The following CADM2 variants were observed in gnomAD, a reference collection of about 807,000 sequenced individuals.
CADM2 encodes immunoglobulin superfamily member 4D.
In CADM2, 12 loss-of-function variants were observed where a neutral mutation model predicts 49.8. The ratio of observed to expected loss-of-function variants is 0.24; its 90% CI spans 0.15 to 0.39. The LOEUF is 0.39. CADM2 is among the 10% of genes least tolerant of loss of function. CADM2 has a pLI of 1.00. For synonymous variants in CADM2, 214 were observed against 175.4 expected (o/e 1.22, Z -1.74); for missense variants, 378 against 492.3 (o/e 0.77, Z 2.20).
intron 1 of CADM2, among the ~76,000 whole-genome samples, chr3:85,490,510 T>A (rs929877377): frequency 6.6e-6 from 1 of 152,064 alleles, no homozygotes; most frequent in Non-Finnish European, 1.5e-5. Flanking sequence ...CTTAAGTCCA[T>A]GAGCTTGAGG....
chr3:85,723,403 C>T lies in CADM2; in HGVS notation c.62-3119C>T, dbSNP rs145666501. ...TGTGCAATGTGCACTTTACAATTGA[C>T]TTCTAATTGGACTATGCTGACAATG... On this transcript the variant is annotated intron_variant, in intron 1 of 9. Coordinates refer to ENST00000383699, the MANE Select transcript of CADM2 (RefSeq NM_001167675.2). Among the ~76,000 whole-genome samples the T allele has an allele frequency of 5.4e-3, 823 of 152,196 alleles. 4 individuals are homozygous for T. Among genetic ancestry groups the T allele is most frequent in the Middle Eastern group, 0.01 (3 of 294 alleles).
chr3:85,130,626 GA>G (rs1192416095), intron 1 of CADM2, among the ~76,000 whole-genome samples: 1 of 152,156 alleles, frequency 6.6e-6, no homozygotes, highest in East Asian at 1.9e-4. Flanking sequence ...TGGTCATAGG[GA>G]GTAGGTGAAT....
intron 1 of CADM2, among the ~76,000 whole-genome samples, chr3:85,532,208 T>C (rs2061330597): frequency 6.6e-6 from 1 of 150,830 alleles, no homozygotes; most frequent in Non-Finnish European, 1.5e-5. Flanking sequence ...AAAATAAAAA[T>C]AGTGTTGCAG....
intron 8 of CADM2, among the ~76,000 whole-genome samples, chr3:86,017,358 A>C (rs1242462675): frequency 6.6e-6 from 1 of 152,026 alleles, no homozygotes; most frequent in Non-Finnish European, 1.5e-5. Flanking sequence ...CAAGAGCTCA[A>C]AATTATTTGA....
intron 1 of CADM2, among the ~76,000 whole-genome samples, chr3:85,461,426 TTTTA>T (rs1489830849): frequency 1.3e-5 from 2 of 152,216 alleles, no homozygotes; most frequent in East Asian, 3.9e-4. Flanking sequence ...TAACATACGC[TTTTA>T]TTGATACTTT....
At chr3:85,765,487 A>G (rs1039089137) in intron 2 of CADM2, among the ~76,000 whole-genome samples, 5 of 151,954 alleles carry the variant, frequency 3.3e-5, no homozygotes, top group Non-Finnish European at 7.4e-5. Context: ...ACTCCAATCT[A>G]TCATATATGT....
At chr3:85,433,239 C>T (rs1265192743) in intron 1 of CADM2, among the ~76,000 whole-genome samples, 1 of 151,836 alleles carries the variant, frequency 6.6e-6, no homozygotes, top group African/African-American at 2.4e-5. Context: ...CCAAATTTAG[C>T]CAATGCCTAG....
intron 1 of CADM2, among the ~76,000 whole-genome samples, chr3:85,706,389 C>A: frequency 6.6e-6 from 1 of 152,170 alleles, no homozygotes; most frequent in East Asian, 1.9e-4. Context: ...AATCATTTTT[C>A]TACATCTGCC....
intron 1 of CADM2, among the ~76,000 whole-genome samples, chr3:85,685,607 C>A (rs1577082625): frequency 2.1e-5 from 3 of 140,408 alleles, no homozygotes; most frequent in Admixed American, 1.4e-4. Flanking sequence ...GAAACATTTT[C>A]TTTCTTTCTT....
intron 8 of CADM2, among the ~76,000 whole-genome samples, chr3:86,016,712 G>C (rs1469400172): frequency 6.6e-6 from 1 of 151,962 alleles, no homozygotes; most frequent in Non-Finnish European, 1.5e-5. Flanking sequence ...TCAGTCTCTG[G>C]CATTTTATGA....
chr3:85,946,343 G>T (rs1232410707), intron 7 of CADM2, among the ~76,000 whole-genome samples: 2 of 151,222 alleles, frequency 1.3e-5, no homozygotes, highest in Non-Finnish European at 2.9e-5. Context: ...TGGTGAAAAT[G>T]GCCATACTGC....
intron 1 of CADM2, among the ~76,000 whole-genome samples, chr3:85,254,627 C>CA (rs1454478906): frequency 6.6e-6 from 1 of 152,014 alleles, no homozygotes; most frequent in East Asian, 1.9e-4. Context: ...ATATATATTG[C>CA]AAAATGTCAC....
At chr3:85,096,114 A>G (rs150330614) in intron 1 of CADM2, among the ~76,000 whole-genome samples, 1 of 152,242 alleles carries the variant, frequency 6.6e-6, no homozygotes, top group African/African-American at 2.4e-5. Flanking sequence ...AAATATGTCT[A>G]GATATTTATT....
At chr3:85,806,184 G>C (rs2072404241) in intron 3 of CADM2, among the ~76,000 whole-genome samples, 1 of 140,070 alleles carries the variant, frequency 7.1e-6, no homozygotes, top group African/African-American at 2.5e-5. Context: ...GGGAGGGAGG[G>C]AGGGAGGAAG....
intron 1 of CADM2, among the ~76,000 whole-genome samples, chr3:85,277,433 G>A (rs2043385098): frequency 6.6e-6 from 1 of 151,212 alleles, no homozygotes; most frequent in South Asian, 2.1e-4. Context: ...TTGAATGGCT[G>A]AGTCACTTAT....
intron 1 of CADM2, among the ~76,000 whole-genome samples, chr3:85,299,662 G>T (rs1360113810): frequency 6.6e-6 from 1 of 151,990 alleles, no homozygotes; most frequent in Admixed American, 6.6e-5. Flanking sequence ...TCAGAGGTTG[G>T]TCTGGGGTGT....
chr3:85,720,512 C>G (rs1181844651), intron 1 of CADM2, among the ~76,000 whole-genome samples: 1 of 152,136 alleles, frequency 6.6e-6, no homozygotes, highest in Non-Finnish European at 1.5e-5. Flanking sequence ...CTATGTAACT[C>G]CATAGCAAGT....
chr3:85,260,563 T>C (rs904840615), intron 1 of CADM2, among the ~76,000 whole-genome samples: 7 of 152,186 alleles, frequency 4.6e-5, no homozygotes, highest in Admixed American at 1.3e-4. Context: ...GTCACATGAG[T>C]ACTCCATGAA....
At chr3:85,912,014 T>G (rs1309886339) in intron 5 of CADM2, among the ~76,000 whole-genome samples, 1 of 151,678 alleles carries the variant, frequency 6.6e-6, no homozygotes, top group Non-Finnish European at 1.5e-5. Flanking sequence ...CCATCTCTGC[T>G]CACTCTGCAA....
Sources: allele counts gnomAD v4.1 joint callset (sites outside exome capture counted in the v4.1 genomes callset), GRCh38; gene constraint gnomAD v4.1.1; transcripts MANE v1.5; gene names NCBI Gene and HGNC (gene_info 2026-07-23, HGNC 2026-07-21).